NELL1: variants seen among roughly 807,000 people sequenced by gnomAD.
The protein encoded by NELL1 is protein kinase C-binding protein NELL1.
NELL1 carries 76 observed loss-of-function variants against 107.4 expected under a neutral mutation model. That is an observed-to-expected ratio of 0.71 (90% confidence interval 0.59 to 0.86). NELL1 has a LOEUF of 0.86. Ranked by LOEUF, NELL1 falls within the 40% of genes least tolerant of loss-of-function variation. The pLI is 0.00. For synonymous variants in NELL1, 353 were observed against 341.2 expected (o/e 1.03, Z -0.38); for missense variants, 1,024 against 1,005.5 (o/e 1.02, Z -0.25).
intron 3 of NELL1, among the ~76,000 whole-genome samples, chr11:20,787,790 A>G (rs1332548019): frequency 6.6e-6 from 1 of 152,200 alleles, no homozygotes; most frequent in Non-Finnish European, 1.5e-5. Flanking sequence ...TGCATTCATC[A>G]CCACAATCAA....
At chr11:21,573,821 T>C (rs1857159844) in intron 19 of NELL1, among the ~76,000 whole-genome samples, 1 of 149,304 alleles carries the variant, frequency 6.7e-6, no homozygotes, top group Admixed American at 6.6e-5. Flanking sequence ...GTCAACTTCC[T>C]TTCATCCTGG....
intron 12 of NELL1, among the ~76,000 whole-genome samples, chr11:21,080,406 A>G (rs1158104620): frequency 6.6e-6 from 1 of 152,148 alleles, no homozygotes; most frequent in Admixed American, 6.6e-5. Context: ...AGATTTATGC[A>G]TATAACCCTT....
intron 14 of NELL1, among the ~76,000 whole-genome samples, chr11:21,307,857 A>G (rs2133637991): frequency 6.6e-6 from 1 of 151,934 alleles, no homozygotes; most frequent in Admixed American, 6.6e-5. Flanking sequence ...ATTAGCAAGT[A>G]AAAAAACAAG....
intron 15 of NELL1, among the ~76,000 whole-genome samples, chr11:21,453,665 T>C (rs1853643891): frequency 6.6e-6 from 1 of 152,104 alleles, no homozygotes. Flanking sequence ...AAATCTACCT[T>C]ATTGCTGCTT....
chr11:21,510,667 C>CT (rs1855412951), intron 15 of NELL1, among the ~76,000 whole-genome samples: 2 of 152,070 alleles, frequency 1.3e-5, no homozygotes, highest in African/African-American at 2.4e-5. Context: ...ACTGAGGTCC[C>CT]TTTTTTCCCA....
chr11:20,808,098 C>T (rs889331971), intron 3 of NELL1, among the ~76,000 whole-genome samples: 1 of 152,184 alleles, frequency 6.6e-6, no homozygotes, highest in African/African-American at 2.4e-5. Context: ...ACTCTTTCCT[C>T]TGCTTTTCTC....
At chr11:20,902,402 A>T (rs1163378710) in intron 5 of NELL1, among the ~76,000 whole-genome samples, 1 of 152,144 alleles carries the variant, frequency 6.6e-6, no homozygotes, top group Non-Finnish European at 1.5e-5. Flanking sequence ...TTGGAAATGC[A>T]AATTAAAACC....
intron 14 of NELL1, among the ~76,000 whole-genome samples, chr11:21,330,713 T>C (rs1302408841): frequency 6.6e-6 from 1 of 152,134 alleles, no homozygotes; most frequent in Non-Finnish European, 1.5e-5. Context: ...ATATCTGTGT[T>C]TATCTTACTT....
chr11:20,858,963 C>T (rs904377425), intron 4 of NELL1, among the ~76,000 whole-genome samples: 7 of 152,182 alleles, frequency 4.6e-5, no homozygotes, highest in African/African-American at 1.2e-4. Flanking sequence ...AAGGCCTTGG[C>T]GGCTGCATTA....
At chr11:20,980,194 A>G (rs1337843932) in intron 12 of NELL1, among the ~76,000 whole-genome samples, 1 of 152,182 alleles carries the variant, frequency 6.6e-6, no homozygotes, top group African/African-American at 2.4e-5. Context: ...CTAAGACTAC[A>G]AAGGAGGAAG....
intron 3 of NELL1, among the ~76,000 whole-genome samples, chr11:20,784,493 C>T (rs1433337962): frequency 2.6e-5 from 4 of 151,866 alleles, no homozygotes; most frequent in Middle Eastern, 3.2e-3. Flanking sequence ...GTAGGTAAGT[C>T]GTTGGAACAT....
chr11:20,767,964 A>AAG (rs141821117), intron 2 of NELL1, among the ~76,000 whole-genome samples: 1 of 151,652 alleles, frequency 6.6e-6, no homozygotes, highest in Non-Finnish European at 1.5e-5. Context: ...TGGAGAGAGA[A>AAG]AGAGAGAGAG....
intron 1 of NELL1, chr11:20,674,531 C>T: frequency 1.3e-6 from 2 of 1,535,976 alleles, no homozygotes; most frequent in Non-Finnish European, 1.7e-6. Context: ...ATATGGAGAA[C>T]TAGAGTTCTG....
intron 14 of NELL1, among the ~76,000 whole-genome samples, chr11:21,287,441 A>AT (rs1014972070): frequency 1.3e-5 from 2 of 152,074 alleles, no homozygotes; most frequent in East Asian, 1.9e-4. Flanking sequence ...CAAAGGCTTC[A>AT]TTTTTTCTGT....
chr11:20,987,000 CA>C (rs1182602722), intron 12 of NELL1, among the ~76,000 whole-genome samples: 5 of 152,032 alleles, frequency 3.3e-5, no homozygotes, highest in African/African-American at 1.2e-4. Context: ...AGAATTATTT[CA>C]GAAGAAAACT....
chr11:21,062,365 T>A (rs1029161692), intron 12 of NELL1, among the ~76,000 whole-genome samples: 4 of 152,192 alleles, frequency 2.6e-5, no homozygotes, highest in African/African-American at 9.6e-5. Flanking sequence ...AGGCTTATAT[T>A]TCTTTTGAGT....
Position 21,083,242 on chromosome 11 carries a change from A to G in NELL1, c.1301-30347A>G, listed in dbSNP as rs926781106. On this transcript the variant is annotated intron_variant, in intron 12 of 19. Transcript: ENST00000357134. ...AGGAAAATGATCAGAAGTGTGGTAG[A>G]CAAAAGATAGCCCGTAGCAGATTGC... Among the ~76,000 whole-genome samples the G allele has an allele frequency of 2.6e-5, 4 of 152,328 alleles. No individual in the cohort carries two copies. In the East Asian group the frequency reaches 7.7e-4, roughly 29 times the overall value.
chr11:20,924,741 G>A (rs1271398864), intron 7 of NELL1, among the ~76,000 whole-genome samples: 1 of 152,160 alleles, frequency 6.6e-6, no homozygotes, highest in Non-Finnish European at 1.5e-5. Flanking sequence ...TAGGAGGAAT[G>A]CAGATCTGGT....
At chr11:20,701,866 A>G (rs544471563) in intron 2 of NELL1, among the ~76,000 whole-genome samples, 2,028 of 152,188 alleles carry the variant, frequency 0.013, 24 homozygotes, top group Non-Finnish European at 0.023. Context: ...CCATTGGTCT[A>G]TATCTCTGTT....
Sources: gnomAD v4.1 joint callset for allele counts (sites outside exome capture counted in the v4.1 genomes callset) on GRCh38, gnomAD v4.1.1 for gene constraint, MANE v1.5 for transcripts, NCBI Gene and HGNC (gene_info 2026-07-23, HGNC 2026-07-21) for gene names.